Variants in RIGI observed in about 807,000 individuals in gnomAD.
RIGI encodes the protein RNA sensor RIG-I.
chr9:32,493,540 T>C, the RIGI span, among the ~76,000 whole-genome samples: 1 of 151,968 alleles, frequency 6.6e-6, no homozygotes, highest in African/African-American at 2.4e-5. Flanking sequence ...GGAGAATTGG[T>C]TGAACTCAGG....
At chr9:32,473,085 A>G in the RIGI span, 1 of 1,540,688 alleles carries the variant, frequency 6.5e-7, no homozygotes. Context: ...AAAAGCAATT[A>G]TCAATTGGAC....
chr9:32,469,490 G>A, the RIGI span, among the ~76,000 whole-genome samples: 1 of 152,214 alleles, frequency 6.6e-6, no homozygotes, highest in African/African-American at 2.4e-5. Flanking sequence ...GGAAAACTGT[G>A]AAGCAGATGT....
At chr9:32,459,605 C>T in the RIGI span, 45 of 1,219,252 alleles carry the variant, frequency 3.7e-5, no homozygotes, top group Admixed American at 5.4e-5. Context: ...TATACATGCA[C>T]GCACATGTAT....
chr9:32,457,835 A>G, the RIGI span, among the ~76,000 whole-genome samples: 1 of 152,206 alleles, frequency 6.6e-6, no homozygotes, highest in Non-Finnish European at 1.5e-5. Flanking sequence ...GCAATTGAAG[A>G]AGGTCAGGGA....
At chr9:32,499,020 A>G in the RIGI span, among the ~76,000 whole-genome samples, 1 of 150,526 alleles carries the variant, frequency 6.6e-6, no homozygotes, top group Non-Finnish European at 1.5e-5. Context: ...TCCATTAAAT[A>G]TCTTCTTTAA....
chr9:32,472,204 A>T, the RIGI span, among the ~76,000 whole-genome samples: 1 of 152,238 alleles, frequency 6.6e-6, no homozygotes, highest in South Asian at 2.1e-4. Context: ...CTGCTTAAAG[A>T]ATAACAATAA....
chr9:32,468,383 G>A, the RIGI span, among the ~76,000 whole-genome samples: 27 of 152,276 alleles, frequency 1.8e-4, no homozygotes, highest in Non-Finnish European at 3.4e-4. Flanking sequence ...AACGAGGGTC[G>A]TGCCAGGCAT....
chr9:32,501,348 T>G, the RIGI span, among the ~76,000 whole-genome samples: 1 of 63,452 alleles, frequency 1.6e-5, no homozygotes, highest in South Asian at 7.9e-4. Context: ...AAAAAAAAAT[T>G]TTTTTAATTA....
At chr9:32,480,127 G>C in the RIGI span, 8 of 1,421,448 alleles carry the variant, frequency 5.6e-6, no homozygotes, top group Admixed American at 1.5e-4. Context: ...GCATCCCCAA[G>C]TTTATATATA....
At chr9:32,525,997 G>T in the RIGI span, 1 of 1,259,744 alleles carries the variant, frequency 7.9e-7, no homozygotes, top group Non-Finnish European at 1.2e-6. Context: ...AGAAGGGAAC[G>T]AAGCAAGAGA....
At chr9:32,457,780 C>A in the RIGI span, among the ~76,000 whole-genome samples, 1 of 152,178 alleles carries the variant, frequency 6.6e-6, no homozygotes, top group African/African-American at 2.4e-5. Context: ...GTGGCCCTGG[C>A]AGGCACAATC....
At chr9:32,517,006 C>A in the RIGI span, among the ~76,000 whole-genome samples, 1 of 152,156 alleles carries the variant, frequency 6.6e-6, no homozygotes, top group African/African-American at 2.4e-5. Flanking sequence ...AACAAATATT[C>A]TTTTGTACTA....
the RIGI span, among the ~76,000 whole-genome samples, chr9:32,494,446 T>C: frequency 6.6e-6 from 1 of 152,212 alleles, no homozygotes; most frequent in Non-Finnish European, 1.5e-5. Flanking sequence ...AAGATATTTA[T>C]TTAAAAATCA....
the RIGI span, among the ~76,000 whole-genome samples, chr9:32,516,634 T>C: frequency 6.6e-5 from 10 of 152,218 alleles, no homozygotes; most frequent in African/African-American, 2.4e-4. Context: ...CAGCAAGATC[T>C]GCTCAATTTG....
chr9:32,526,135 G>A, the RIGI span: 6 of 1,613,634 alleles, frequency 3.7e-6, no homozygotes, highest in South Asian at 6.6e-5. Flanking sequence ...ATCCTGGAAG[G>A]CTTGCAGGCT....
At chr9:32,524,608 T>TTTTTTTTTTTTTTTTTTTTTTTTTTG in the RIGI span, among the ~76,000 whole-genome samples, 1 of 128,874 alleles carries the variant, frequency 7.8e-6, no homozygotes, top group African/African-American at 3.0e-5. Flanking sequence ...TTTTTTTTTT[T>TTTTTTTTTTTTTTTTTTTTTTTTTTG]TTTTTTTTTT....
chr9:32,485,621 A>G, the RIGI span: 1 of 402,928 alleles, frequency 2.5e-6, no homozygotes, highest in South Asian at 1.8e-5. Flanking sequence ...GCTCACTGCA[A>G]CCTCCGTCTC....
At chr9:32,486,520 T>G in the RIGI span, among the ~76,000 whole-genome samples, 2 of 147,456 alleles carry the variant, frequency 1.4e-5, no homozygotes, top group South Asian at 4.3e-4. Context: ...AAGTAACACC[T>G]AATTCTTCCA....
At chr9:32,470,576 G>T in the RIGI span, among the ~76,000 whole-genome samples, 1 of 152,146 alleles carries the variant, frequency 6.6e-6, no homozygotes, top group Non-Finnish European at 1.5e-5. Context: ...CAGTGAGCCA[G>T]ATTTTGCTAC....
Sources: gnomAD v4.1 joint callset for allele counts (sites outside exome capture counted in the v4.1 genomes callset) on GRCh38, gnomAD v4.1.1 for gene constraint, MANE v1.5 for transcripts, NCBI Gene and HGNC (gene_info 2026-07-23, HGNC 2026-07-21) for gene names.